TFEC: variants seen among roughly 807,000 people sequenced by gnomAD.
TFEC encodes the protein transcription factor EC, also known as class E basic helix-loop-helix protein 34.
TFEC carries 31 observed loss-of-function variants against 41.6 expected under a neutral mutation model. That is an observed-to-expected ratio of 0.74 (90% CI 0.56 to 1.01). The LOEUF is 1.01. Among genes scored for constraint, TFEC ranks in the 50% least tolerant of loss-of-function variants. The pLI is 0.00. For missense variants in TFEC, 402 were observed against 404.1 expected (o/e 0.99, Z 0.04); for synonymous variants, 143 against 140.6 (o/e 1.02, Z -0.12).
intron 3 of TFEC, among the ~76,000 whole-genome samples, chr7:116,079,908 T>A (rs1200627667): frequency 6.6e-6 from 1 of 152,014 alleles, no homozygotes; most frequent in Non-Finnish European, 1.5e-5. Context: ...ACTGGAGGCA[T>A]CACATTACCC....
intron 1 of TFEC, among the ~76,000 whole-genome samples, chr7:116,133,994 T>G (rs1798386878): frequency 6.6e-6 from 1 of 152,180 alleles, no homozygotes; most frequent in Non-Finnish European, 1.5e-5. Flanking sequence ...CAGAAAAAGC[T>G]GGCAAACCAA....
intron 1 of TFEC, among the ~76,000 whole-genome samples, chr7:116,134,332 T>C (rs1034169300): frequency 6.6e-6 from 1 of 151,976 alleles, no homozygotes; most frequent in Non-Finnish European, 1.5e-5. Context: ...ATGCTAGATA[T>C]AAAAAATAAG....
intron 3 of TFEC, among the ~76,000 whole-genome samples, chr7:116,077,564 G>C (rs936495908): frequency 5.9e-5 from 9 of 151,786 alleles, no homozygotes; most frequent in Non-Finnish European, 1.3e-4. Flanking sequence ...ATAAACTTAA[G>C]GTAAAGGGGT....
At chr7:115,949,825 G>T (rs1439293068) in intron 6 of TFEC, among the ~76,000 whole-genome samples, 1 of 152,022 alleles carries the variant, frequency 6.6e-6, no homozygotes, top group Admixed American at 6.6e-5. Flanking sequence ...AAAAGCAATG[G>T]CAACCAAAAC....
intron 3 of TFEC, among the ~76,000 whole-genome samples, chr7:116,106,883 T>A (rs75107580): frequency 6.6e-6 from 1 of 152,312 alleles, no homozygotes; most frequent in East Asian, 1.9e-4. Flanking sequence ...GAGTCTGAAG[T>A]CTGTTCAACA....
rs569091340 is a variant in TFEC, at chr7:115,948,491, G to T, written c.515+2383C>A. On this transcript the variant is annotated intron_variant, in intron 6 of 7. Transcript: ENST00000265440. ...TGAATCCAGCAGCACATCAAAAAGCGTATCCACCATGATCAAGTGGGCTTC... is the reference window on the plus strand; with the variant it reads ...TGAATCCAGCAGCACATCAAAAAGCTTATCCACCATGATCAAGTGGGCTTC... Among the ~76,000 whole-genome samples, 819 of 152,036 alleles carry T rather than the reference G, an allele frequency of 5.4e-3. 8 individuals carry two copies. The highest frequency in any genetic ancestry group is 0.018 in the African/African-American group (766 of 41,506).
chr7:115,949,988 A>G (rs1791841338), intron 6 of TFEC, among the ~76,000 whole-genome samples: 1 of 151,098 alleles, frequency 6.6e-6, no homozygotes, highest in South Asian at 2.1e-4. Context: ...TCAAATCATT[A>G]TTAATGCTAC....
intron 3 of TFEC, among the ~76,000 whole-genome samples, chr7:116,061,986 C>G (rs1468810591): frequency 2.6e-5 from 4 of 151,582 alleles, no homozygotes; most frequent in Non-Finnish European, 5.9e-5. Flanking sequence ...TCATACTCTG[C>G]TGGTAGGAAT....
chr7:115,943,766 C>A (rs913593662), intron 6 of TFEC, among the ~76,000 whole-genome samples: 1 of 151,388 alleles, frequency 6.6e-6, no homozygotes, highest in Non-Finnish European at 1.5e-5. Context: ...TTGATGCTGG[C>A]CCTTCATTTT....
At chr7:115,959,312 A>T (rs1186043338) in intron 3 of TFEC, among the ~76,000 whole-genome samples, 1 of 151,744 alleles carries the variant, frequency 6.6e-6, no homozygotes, top group African/African-American at 2.4e-5. Context: ...CTTCTTTCTG[A>T]TAGAAAAAAG....
intron 3 of TFEC, among the ~76,000 whole-genome samples, chr7:115,971,603 TCAGTATCCTGCTCAACTTGC>T (rs1198886149): frequency 6.6e-6 from 1 of 152,020 alleles, no homozygotes; most frequent in African/African-American, 2.4e-5. Context: ...CAAGCAGGTC[TCAGTATCCTGCTCAACTTGC>T]CAGAATTGCA....
At chr7:116,136,056 C>A (rs548271962) in intron 1 of TFEC, among the ~76,000 whole-genome samples, 4 of 152,124 alleles carry the variant, frequency 2.6e-5, no homozygotes, top group East Asian at 3.9e-4. Flanking sequence ...TCTACACTTT[C>A]TTTGGTTCAA....
chr7:116,002,521 G>A (rs895313209), intron 1 of TFEC, among the ~76,000 whole-genome samples: 8 of 152,210 alleles, frequency 5.3e-5, no homozygotes, highest in Non-Finnish European at 1.2e-4. Flanking sequence ...ATGGTTGCCT[G>A]AGGCTGGGAA....
chr7:116,069,887 G>C (rs1233871157), intron 3 of TFEC, among the ~76,000 whole-genome samples: 1 of 151,532 alleles, frequency 6.6e-6, no homozygotes, highest in Non-Finnish European at 1.5e-5. Flanking sequence ...GTCAAAATAT[G>C]TGACCAGTTT....
rs1203356024 is a variant in TFEC at position 116,115,239 on chromosome 7, C to A, written c.-68-3201G>T. ...ACATGGTTTCAGACAGTTTTGGATA[C>A]AAACTACACTCGTTTCCTGTGGCTG... On this transcript the variant is annotated intron_variant, in intron 1 of 8. Coordinates refer to the TFEC transcript ENST00000484212. 2.6e-5 allele frequency among the ~76,000 whole-genome samples: 4 copies of A among 151,966 alleles called. 1 individual carries two copies. In the East Asian group the frequency reaches 7.7e-4, roughly 29 times the overall value.
chr7:116,051,758 ATATT>A (rs1206326420), intron 3 of TFEC, among the ~76,000 whole-genome samples: 1 of 152,142 alleles, frequency 6.6e-6, no homozygotes, highest in East Asian at 1.9e-4. Context: ...CATTTATTGA[ATATT>A]TATATCAGAC....
chr7:116,090,893 C>A (rs1469341820), intron 3 of TFEC, among the ~76,000 whole-genome samples: 2 of 151,454 alleles, frequency 1.3e-5, no homozygotes, highest in Non-Finnish European at 2.9e-5. Flanking sequence ...CACATGTTGT[C>A]ACTCATAAGT....
At chr7:116,021,153 G>C (rs1562937818) in intron 1 of TFEC, among the ~76,000 whole-genome samples, 1 of 152,146 alleles carries the variant, frequency 6.6e-6, no homozygotes, top group Admixed American at 6.5e-5. Flanking sequence ...CTTTTAAAAA[G>C]CCATGCAAAT....
At position 116,115,655 on chromosome 7, in the gene TFEC, T is replaced by C. The variant is rs543749623; in HGVS notation, c.-68-3617A>G. ...TCAACATCCTTAACTTAATCACATATGCAAGTTTCTTTTGCCATGTATAGT... is the reference window on the plus strand; with the variant it reads ...TCAACATCCTTAACTTAATCACATACGCAAGTTTCTTTTGCCATGTATAGT... On this transcript the variant is annotated intron_variant, in intron 1 of 8. Coordinates refer to the TFEC transcript ENST00000484212. Among the ~76,000 whole-genome samples the C allele has an allele frequency of 7.9e-5, 12 of 152,124 alleles. No individual in the cohort carries two copies. In the South Asian group the frequency reaches 2.5e-3, roughly 31 times the overall value.
Sources: allele counts gnomAD v4.1 joint callset (sites outside exome capture counted in the v4.1 genomes callset), GRCh38; gene constraint gnomAD v4.1.1; transcripts MANE v1.5; gene names NCBI Gene and HGNC (gene_info 2026-07-23, HGNC 2026-07-21).